The following GALNT6 variants were observed in gnomAD, a reference collection of about 807,000 sequenced individuals.
GALNT6 encodes the protein GalNAc transferase 6.
GALNT6 carries 51 observed loss-of-function variants against 65.9 expected under a neutral mutation model. The ratio of observed to expected loss-of-function variants is 0.77; its 90% confidence interval spans 0.62 to 0.98. GALNT6 has a LOEUF of 0.98. Ranked by LOEUF, GALNT6 falls within the 50% of genes least tolerant of loss-of-function variation. GALNT6 has a pLI of 0.00. For missense variants in GALNT6, 708 were observed against 803.3 expected, an observed-to-expected ratio of 0.88 and a Z score of 1.43; for synonymous variants, 323 against 315.1, an observed-to-expected ratio of 1.02 and a Z score of -0.26.
chr12:51,367,309 C>T (rs976482046), intron 4 of GALNT6, among the ~76,000 whole-genome samples: 36 of 152,074 alleles, frequency 2.4e-4, no homozygotes, highest in African/African-American at 8.5e-4. Flanking sequence ...GTGGCGCACA[C>T]CTGTAAACCC....
chr12:51,385,339 C>T (rs1243436329), intron 2 of GALNT6, among the ~76,000 whole-genome samples: 1 of 152,124 alleles, frequency 6.6e-6, no homozygotes, highest in African/African-American at 2.4e-5. Flanking sequence ...TAAAGATACA[C>T]ACTGCCTGAT....
At chr12:51,390,623 T>C (rs1948040990) in intron 2 of GALNT6, among the ~76,000 whole-genome samples, 1 of 152,178 alleles carries the variant, frequency 6.6e-6, no homozygotes. Flanking sequence ...ACATCTCTGG[T>C]AGAAGGCGCA....
At chr12:51,354,838 T>C (rs1274733183) in intron 11 of GALNT6, among the ~76,000 whole-genome samples, 3 of 152,208 alleles carry the variant, frequency 2.0e-5, no homozygotes, top group Non-Finnish European at 4.4e-5. Flanking sequence ...CCTTGGATTA[T>C]GTTTAGACTG....
intron 4 of GALNT6, among the ~76,000 whole-genome samples, chr12:51,371,878 G>A (rs1205891384): frequency 6.6e-6 from 1 of 152,186 alleles, no homozygotes; most frequent in East Asian, 1.9e-4. Context: ...TGTGTGTAAT[G>A]AGAGCTGGTT....
chr12:51,376,815 C>T (rs1947471561), intron 4 of GALNT6, among the ~76,000 whole-genome samples: 1 of 152,136 alleles, frequency 6.6e-6, no homozygotes, highest in East Asian at 1.9e-4. Flanking sequence ...TACCTATCAA[C>T]AGCTATGGCA....
At chr12:51,359,098 C>T (rs750602865) in intron 8 of GALNT6, 34 bp downstream of exon 8, 1 of 1,557,434 alleles carries the variant, frequency 6.4e-7, no homozygotes, top group Non-Finnish European at 8.9e-7. Context: ...TACTTCTCTT[C>T]ATCTAAACCT....
chr12:51,376,821 T>C (rs185997715), intron 4 of GALNT6, among the ~76,000 whole-genome samples: 1 of 152,220 alleles, frequency 6.6e-6, no homozygotes, highest in East Asian at 1.9e-4. Context: ...TCAACAGCTA[T>C]GGCAAAAAGG....
At chr12:51,386,257 C>T (rs901708747) in intron 2 of GALNT6, among the ~76,000 whole-genome samples, 10 of 152,196 alleles carry the variant, frequency 6.6e-5, no homozygotes, top group African/African-American at 2.2e-4. Context: ...GGAGTAGAAC[C>T]CGATCTCTCA....
At chr12:51,377,940 C>T (rs961414652) in intron 3 of GALNT6, among the ~76,000 whole-genome samples, 1 of 152,200 alleles carries the variant, frequency 6.6e-6, no homozygotes, top group African/African-American at 2.4e-5. Flanking sequence ...CAACTTCATC[C>T]ACTCCAGCTA....
rs751562757 is a variant in GALNT6 at position 51,379,300 on chromosome 12, C to T, written c.482G>A (p.Arg161Gln). 10 of 1,522,294 alleles carry T rather than the reference C, an allele frequency of 6.6e-6. No homozygotes were observed. The highest frequency in any genetic ancestry group is 2.7e-5 in the South Asian group (2 of 74,436). The allele number at this position is 1,522,294 out of a possible 1,614,324, so 94.3% of individuals were successfully genotyped here. The change falls in exon 3 of 12, where the codon CGA becomes CAA. Residue 161 changes from arginine to glutamine, a missense_variant. Coordinates refer to ENST00000356317, the MANE Select transcript of GALNT6 (RefSeq NM_007210.4). Reference protein sequence around the residue: ...SLQRSLGPDTRPPECVDQKFR... With the variant: ...SLQRSLGPDTQPPECVDQKFR... ...TCTGGGTGCTACTTACTCAGGTGGTCGGGTGTCTGGCCCCAGGGACCTCTG... is the reference window on the plus strand; with the variant it reads ...TCTGGGTGCTACTTACTCAGGTGGTTGGGTGTCTGGCCCCAGGGACCTCTG...
At position 51,354,455 on chromosome 12, in the gene GALNT6, A is replaced by G; in HGVS notation, c.1793T>C (p.Leu598Pro). The change falls in exon 12 of 12, where the codon CTG becomes CCG. Residue 598 changes from leucine to proline, a missense_variant. Coordinates refer to ENST00000356317, the MANE Select transcript of GALNT6 (RefSeq NM_007210.4). ...LIRNSGSGTC[L>P]TSQDKKPAMA... ...GGCTGGCTTTTTGTCCTGGGATGTC[A>G]GGCAGGTACCAGATCCTGAGTTCCT... 3.1e-6 allele frequency: 5 copies of G among 1,595,818 alleles called. No homozygotes were observed. Among genetic ancestry groups the G allele is most frequent in the East Asian group, 2.3e-5 (1 of 43,210 alleles).
Position 51,377,335 on chromosome 12 carries a change from G to C in GALNT6, c.524C>G (p.Pro175Arg), listed in dbSNP as rs61734314. 119 of 1,612,456 alleles carry C rather than the reference G, an allele frequency of 7.4e-5. No individual in the cohort carries two copies. The highest frequency in any genetic ancestry group is 2.0e-4 in the Middle Eastern group (1 of 4,908). Residue 175 changes from proline (P) to arginine (R), a missense_variant, in exon 4 of 12, where the codon CCA (proline) becomes CGA (arginine). Transcript: ENST00000356317. ...AATGATCACGCTGGTGGTGGCCAGT[G>C]GGGGGCAGCGCCGGAACTTCTGGTC... ...CVDQKFRRCP[P>R]LATTSVIIVF...
At chr12:51,369,591 T>C (rs964123380) in intron 4 of GALNT6, among the ~76,000 whole-genome samples, 2 of 152,226 alleles carry the variant, frequency 1.3e-5, no homozygotes, top group African/African-American at 4.8e-5. Context: ...TGAAGTATCA[T>C]GCAGATGGCT....
At chr12:51,370,866 GA>G (rs74607102) in intron 4 of GALNT6, among the ~76,000 whole-genome samples, 17 of 147,476 alleles carry the variant, frequency 1.2e-4, no homozygotes, top group African/African-American at 2.7e-4. Flanking sequence ...TTAAAAAAGG[GA>G]AAAAAAAAAG....
In GALNT6 at chr12:51,360,727, G is replaced by C. The variant is rs746861843; in HGVS notation, c.1161C>G (p.Ser387=). ...AAGCCCTCTTCACTCTCACCCGGAAGGACATTTCCACGTTCTCCCCTCCCC... is the reference window on the plus strand; with the variant it reads ...AAGCCCTCTTCACTCTCACCCGGAACGACATTTCCACGTTCTCCCCTCCCC... ...EIWGGENVEM[S]FRVWQCGGQL... Residue 387 remains serine, a synonymous_variant, in exon 7 of 12, where the codon TCC becomes TCG. Transcript: ENST00000356317. The C allele has an allele frequency of 5.0e-6, 8 of 1,584,838 alleles. No homozygotes were observed. The East Asian group carries it at 1.6e-4, about 31-fold the overall frequency.
intron 2 of GALNT6, among the ~76,000 whole-genome samples, chr12:51,389,098 C>T (rs1471408240): frequency 6.6e-6 from 1 of 152,164 alleles, no homozygotes; most frequent in African/African-American, 2.4e-5. Flanking sequence ...CACTTAACCT[C>T]CTGCTTATTC....
chr12:51,377,336 G>T lies in GALNT6; in HGVS notation c.523C>A (p.Pro175Thr), dbSNP rs543357393. ...CVDQKFRRCP[P>T]LATTSVIIVF... ...ATGATCACGCTGGTGGTGGCCAGTG[G>T]GGGGCAGCGCCGGAACTTCTGGTCC... Residue 175 changes from proline (P) to threonine (T), a missense_variant, in exon 4 of 12, where the codon CCA becomes ACA. Transcript: ENST00000356317. The T allele has an allele frequency of 1.9e-6, 3 of 1,612,722 alleles. No homozygotes were observed. In the South Asian group the frequency reaches 3.3e-5, roughly 18 times the overall value.
At chr12:51,384,751 G>A (rs973030769) in intron 2 of GALNT6, among the ~76,000 whole-genome samples, 7 of 151,766 alleles carry the variant, frequency 4.6e-5, no homozygotes, top group Non-Finnish European at 1.0e-4. Flanking sequence ...TGGGTGTGGT[G>A]GCATAGGCCT....
intron 8 of GALNT6, among the ~76,000 whole-genome samples, chr12:51,358,548 G>A (rs1287246541): frequency 7.2e-5 from 11 of 151,998 alleles, no homozygotes; most frequent in East Asian, 1.9e-4. Flanking sequence ...TGATCTGCCC[G>A]CCTCGGCCTC....
Sources: allele counts gnomAD v4.1 joint callset (sites outside exome capture counted in the v4.1 genomes callset), GRCh38; gene constraint gnomAD v4.1.1; transcripts MANE v1.5; gene names NCBI Gene and HGNC (gene_info 2026-07-23, HGNC 2026-07-21).